The following SERPINC1 variants were observed in gnomAD, a reference collection of about 807,000 sequenced individuals.
The protein encoded by SERPINC1 is serpin family C member 1, also known as antithrombin-III.
In SERPINC1, 12 loss-of-function variants were observed where a neutral mutation model predicts 43.4. That is an observed-to-expected ratio of 0.28 (90% CI 0.18 to 0.45). The LOEUF is 0.45. SERPINC1 is among the 20% of genes least tolerant of loss of function. The probability of loss-of-function intolerance (pLI) is 1.00; values close to 1 mark genes in which losing one functional copy is unlikely to be tolerated. For missense variants in SERPINC1, 423 were observed against 578.8 expected, an observed-to-expected ratio of 0.73 and a Z score of 2.76; for synonymous variants, 210 against 218.9, an observed-to-expected ratio of 0.96 and a Z score of 0.36.
At chr1:173,907,604 T>G in intron 5 of SERPINC1, 90 bp from the exon 6 acceptor site, 1 of 883,504 alleles carries the variant, frequency 1.1e-6, no homozygotes, top group Non-Finnish European at 1.9e-6. Context: ...AAGAGATCCT[T>G]TGGGGCTTTT....
intron 4 of SERPINC1, 58 bp from the exon 5 acceptor site, chr1:173,910,000 C>T (rs1657700674): frequency 6.6e-7 from 1 of 1,515,778 alleles, no homozygotes; most frequent in African/African-American, 1.4e-5. Flanking sequence ...GTTATTGACA[C>T]AAGACATATC....
Position 173,909,964 on chromosome 1 carries a change from A to G in SERPINC1, c.763-22T>C, listed in dbSNP as rs775538183. ...GGCCCTGGAAGAGAATCACAAAGTA[A>G]GAACACAAACATTCATAGGAGGATA... On this transcript the variant is annotated intron_variant, in intron 4 of 6. Coordinates refer to ENST00000367698, the MANE Select transcript of SERPINC1 (RefSeq NM_000488.4). The G allele has an allele frequency of 3.7e-6, 6 of 1,613,138 alleles. No individual in the cohort carries two copies. In the South Asian group the frequency reaches 6.6e-5, roughly 18 times the overall value.
At chr1:173,906,809 C>G (rs1434004174) in intron 6 of SERPINC1, among the ~76,000 whole-genome samples, 1 of 151,978 alleles carries the variant, frequency 6.6e-6, no homozygotes, top group Admixed American at 6.6e-5. Flanking sequence ...AGATGCTATC[C>G]ATTTTCTTAA....
At chr1:173,917,132 C>T (rs1174204594) in intron 1 of SERPINC1, 87 bp downstream of exon 1, 8 of 1,164,360 alleles carry the variant, frequency 6.9e-6, no homozygotes, top group African/African-American at 1.5e-5. Context: ...CTGGTCTTCT[C>T]AAAGGTGTTG....
Position 173,903,851 on chromosome 1 carries a change from A to G in SERPINC1, c.*38T>C. ...GTATTTATTTTTACTTCTGTTCACA[A>G]ACCAAAAATAGGAAGAGGTGCAAAG... On this transcript the variant is annotated 3_prime_UTR_variant, in exon 7 of 7. Coordinates refer to ENST00000367698, the MANE Select transcript of SERPINC1 (RefSeq NM_000488.4). 6.3e-7 allele frequency: 1 copy of G among 1,594,262 alleles called. No homozygotes were observed. Among genetic ancestry groups the G allele is most frequent in the Non-Finnish European group, 8.6e-7 (1 of 1,162,336 alleles).
intron 2 of SERPINC1, among the ~76,000 whole-genome samples, chr1:173,912,312 T>C (rs950814694): frequency 2.0e-5 from 3 of 152,214 alleles, no homozygotes; most frequent in Non-Finnish European, 4.4e-5. Context: ...AAAAGTCCTC[T>C]TGGTGATTCT....
At chr1:173,908,278 T>A (rs1657614203) in intron 5 of SERPINC1, among the ~76,000 whole-genome samples, 1 of 151,412 alleles carries the variant, frequency 6.6e-6, no homozygotes, top group South Asian at 2.1e-4. Flanking sequence ...TCGCCTGAGG[T>A]CAGGAGTTCA....
chr1:173,913,594 C>T (rs893844219), intron 2 of SERPINC1, among the ~76,000 whole-genome samples: 3 of 152,100 alleles, frequency 2.0e-5, no homozygotes, highest in Non-Finnish European at 4.4e-5. Flanking sequence ...CGGTGGCTTA[C>T]GCCTGTAATC....
chr1:173,904,093 A>G, intron 6 of SERPINC1, 28 bp from the exon 7 acceptor site: 1 of 1,609,316 alleles, frequency 6.2e-7, no homozygotes, highest in Non-Finnish European at 8.5e-7. Flanking sequence ...AATAAAACTA[A>G]ATTAGCCACT....
chr1:173,913,939 G>A (rs1473787545), intron 2 of SERPINC1, among the ~76,000 whole-genome samples: 3 of 152,030 alleles, frequency 2.0e-5, no homozygotes, highest in Non-Finnish European at 2.9e-5. Flanking sequence ...TTAGCTGGGC[G>A]TGATGGCGTG....
intron 2 of SERPINC1, among the ~76,000 whole-genome samples, chr1:173,912,756 A>T (rs1217870824): frequency 1.3e-5 from 2 of 152,092 alleles, no homozygotes; most frequent in Non-Finnish European, 2.9e-5. Context: ...AGAGAGATTC[A>T]GTCTCACCCT....
intron 6 of SERPINC1, among the ~76,000 whole-genome samples, chr1:173,906,584 G>A (rs1657523932): frequency 6.6e-6 from 1 of 151,726 alleles, no homozygotes; most frequent in Non-Finnish European, 1.5e-5. Flanking sequence ...TTAGGCATGT[G>A]GCCACACTAT....
chr1:173,912,418 G>T (rs1657807021), intron 2 of SERPINC1, among the ~76,000 whole-genome samples: 1 of 152,164 alleles, frequency 6.6e-6, no homozygotes, highest in Non-Finnish European at 1.5e-5. Context: ...TGGGATACTG[G>T]TGGTAGGGGT....
chr1:173,909,422 G>T, intron 5 of SERPINC1, 130 bp downstream of exon 5: 1 of 904,846 alleles, frequency 1.1e-6, no homozygotes, highest in Non-Finnish European at 1.7e-6. Flanking sequence ...CCACAAATTA[G>T]CAGTAGAAAC....
Position 173,911,858 on chromosome 1 carries a change from T to C in SERPINC1, c.565A>G (p.Thr189Ala). The C allele has an allele frequency of 6.2e-7, 1 of 1,614,140 alleles. No homozygotes were observed. The highest frequency in any genetic ancestry group is 8.5e-7 in the Non-Finnish European group (1 of 1,180,030). ...FGDKSLTFNE[T>A]YQDISELVYG... ...ACCAACTCACTGATGTCCTGGTAGG[T>C]CTCATTGAAGGTAAGGGATTTGTCT... The change falls in exon 3 of 7, where the codon ACC (threonine) becomes GCC (alanine). Residue 189 changes from threonine to alanine, a missense_variant. By Grantham distance (58) the Thr-to-Ala change is moderately conservative. Coordinates refer to ENST00000367698, the MANE Select transcript of SERPINC1 (RefSeq NM_000488.4).
intron 5 of SERPINC1, among the ~76,000 whole-genome samples, chr1:173,907,838 A>T (rs1284673028): frequency 6.6e-6 from 1 of 151,764 alleles, no homozygotes; most frequent in Non-Finnish European, 1.5e-5. Context: ...AAAATTAGCC[A>T]GGTGTGGTGG....
In SERPINC1 at chr1:173,909,907, T is replaced by C; in HGVS notation, c.798A>G (p.Thr266=). Residue 266 remains threonine, a synonymous_variant, in exon 5 of 7, where the codon ACA becomes ACG. Transcript: ENST00000367698. ...CAGCCTTGTAGAACAGTTCCTTCCT[T>C]GTGTTCTCAGGGCTGAACTTTGACT... is the stretch of plus-strand genomic sequence containing the variant. ...LWKSKFSPEN[T]RKELFYKADG... 1 of 1,614,194 alleles carries C rather than the reference T, an allele frequency of 6.2e-7. No homozygotes were observed. The highest frequency in any genetic ancestry group is 8.5e-7 in the Non-Finnish European group (1 of 1,180,040).
intron 2 of SERPINC1, among the ~76,000 whole-genome samples, chr1:173,912,705 G>T (rs1426409139): frequency 6.6e-6 from 1 of 152,132 alleles, no homozygotes; most frequent in Non-Finnish European, 1.5e-5. Flanking sequence ...GGGGGATTAT[G>T]CTTTTGATCA....
intron 1 of SERPINC1, chr1:173,915,271 G>A (rs1231119423): frequency 3.5e-6 from 3 of 861,126 alleles, no homozygotes; most frequent in Non-Finnish European, 4.6e-6. Flanking sequence ...CCAGTGAAGA[G>A]TCAGGGTGGT....
Sources: gnomAD v4.1 joint callset for allele counts (sites outside exome capture counted in the v4.1 genomes callset) on GRCh38, gnomAD v4.1.1 for gene constraint, MANE v1.5 for transcripts, NCBI Gene and HGNC (gene_info 2026-07-23, HGNC 2026-07-21) for gene names.